ROBO1: variants seen among roughly 807,000 people sequenced by gnomAD.
ROBO1 encodes roundabout homolog 1.
A neutral mutation model predicts 195.9 loss-of-function variants in ROBO1; 149 were observed. That is an observed-to-expected ratio of 0.76 (90% CI 0.67 to 0.87). The LOEUF is 0.87. Among genes scored for constraint, ROBO1 ranks in the 40% least tolerant of loss-of-function variants. The pLI is 0.00. For missense variants in ROBO1, 1,933 were observed against 2,068.3 expected (o/e 0.93, Z 1.27); for synonymous variants, 816 against 733.2 (o/e 1.11, Z -1.82).
At chr3:79,733,458 T>G (rs1432715625) in intron 1 of ROBO1, among the ~76,000 whole-genome samples, 1 of 152,166 alleles carries the variant, frequency 6.6e-6, no homozygotes, top group Non-Finnish European at 1.5e-5. Flanking sequence ...TCACCTCTTC[T>G]CAGTCGAATC....
Position 79,677,573 on chromosome 3 carries a change from A to G in ROBO1, c.-50-87612T>C, listed in dbSNP as rs192703070. 2.6e-5 allele frequency among the ~76,000 whole-genome samples: 4 copies of G among 152,162 alleles called. No homozygotes were observed. In the South Asian group the frequency reaches 8.3e-4, roughly 32 times the overall value. On this transcript the variant is annotated intron_variant, in intron 1 of 30. Transcript: ENST00000464233. ...TGCCCCTGTGATTCAATTATCTCCTAGTGGGTCTCCCCCACAACACGTGGG... is the reference window on the plus strand; with the variant it reads ...TGCCCCTGTGATTCAATTATCTCCTGGTGGGTCTCCCCCACAACACGTGGG...
intron 2 of ROBO1, among the ~76,000 whole-genome samples, chr3:79,459,757 C>T (rs1417468343): frequency 6.6e-6 from 1 of 151,892 alleles, no homozygotes; most frequent in African/African-American, 2.4e-5. Flanking sequence ...TACATTAATT[C>T]ACTATTTTAA....
Position 79,643,685 on chromosome 3 carries a change from C to G in ROBO1, c.-50-53724G>C, listed in dbSNP as rs183321412. ...TAACTTGTTATATCTATGAGGTGTT[C>G]TTTGTAAGTCTCATGGTAACCACAA... is the stretch of plus-strand genomic sequence containing the variant. On this transcript the variant is annotated intron_variant, in intron 1 of 30. Transcript: ENST00000464233. Among the ~76,000 whole-genome samples the G allele has an allele frequency of 2.1e-3, 324 of 151,720 alleles. 6 individuals carry two copies. The highest frequency in any genetic ancestry group is 6.5e-4 in the Non-Finnish European group (44 of 67,950).
chr3:79,296,317 C>A (rs2032597856), intron 2 of ROBO1, among the ~76,000 whole-genome samples: 1 of 152,066 alleles, frequency 6.6e-6, no homozygotes, highest in East Asian at 1.9e-4. Flanking sequence ...ATAAAATATG[C>A]AAATTAACCA....
intron 2 of ROBO1, among the ~76,000 whole-genome samples, chr3:79,227,580 G>C (rs2108842705): frequency 6.6e-6 from 1 of 152,150 alleles, no homozygotes; most frequent in Middle Eastern, 3.4e-3. Flanking sequence ...TGCAAATCTG[G>C]AGCTTAAGAG....
intron 1 of ROBO1, among the ~76,000 whole-genome samples, chr3:79,660,357 G>C (rs1301420731): frequency 6.6e-6 from 1 of 152,072 alleles, no homozygotes; most frequent in Non-Finnish European, 1.5e-5. Context: ...TGGAAACAGA[G>C]ACATTTATAC....
chr3:78,918,022 A>G (rs992161166), intron 4 of ROBO1, among the ~76,000 whole-genome samples: 1 of 152,204 alleles, frequency 6.6e-6, no homozygotes, highest in Non-Finnish European at 1.5e-5. Flanking sequence ...AGAAATGCAC[A>G]TGGAAATGCC....
chr3:78,843,682 A>C (rs1355743236), intron 4 of ROBO1, among the ~76,000 whole-genome samples: 1 of 152,142 alleles, frequency 6.6e-6, no homozygotes, highest in Non-Finnish European at 1.5e-5. Context: ...ATGATACAAT[A>C]TACAATGCAA....
intron 1 of ROBO1, among the ~76,000 whole-genome samples, chr3:79,740,218 T>C (rs1466908851): frequency 1.2e-5 from 1 of 85,638 alleles, no homozygotes; most frequent in Non-Finnish European, 2.3e-5. Context: ...TATATTTATA[T>C]ATATAAATTT....
At chr3:79,337,217 G>A (rs1381686887) in intron 2 of ROBO1, among the ~76,000 whole-genome samples, 2 of 152,160 alleles carry the variant, frequency 1.3e-5, no homozygotes, top group African/African-American at 4.8e-5. Flanking sequence ...TTACGTGGTT[G>A]TATTTTGAAA....
At chr3:78,962,823 CA>C (rs770515270) in intron 3 of ROBO1, among the ~76,000 whole-genome samples, 1,898 of 26,194 alleles carry the variant, frequency 0.072, 2 homozygotes, top group Middle Eastern at 0.13. Flanking sequence ...GACTCCATCT[CA>C]AAAAAAAAAA....
Position 78,639,817 on chromosome 3 carries a change from A to T in ROBO1, c.2964T>A (p.Asn988Lys). The change falls in exon 22 of 31, where the codon AAT becomes AAA. Residue 988 changes from asparagine (N) to lysine (K), a missense_variant. Coordinates refer to ENST00000464233, the MANE Select transcript of ROBO1 (RefSeq NM_002941.4). ...CCGTGCAGCAGCTGATGGAGCAGTC[A>T]TTGTGGTTGTTGCCAGTATTAGGCC... is the stretch of plus-strand genomic sequence containing the variant. Reference protein sequence around the residue: ...DTWPNTGNNHNDCSISCCTAG... With the variant: ...DTWPNTGNNHKDCSISCCTAG... 3 of 1,613,530 alleles carry T rather than the reference A, an allele frequency of 1.9e-6. No individual in the cohort carries two copies. The South Asian group carries it at 3.3e-5, about 18-fold the overall frequency.
In ROBO1 at chr3:78,938,604, C is replaced by T; in HGVS notation, c.496G>A (p.Ala166Thr). ...AVSHNASLEVAILRDDFRQNP... is the reference protein window; with the variant it reads ...AVSHNASLEVTILRDDFRQNP... ...ACAGAGCGCCCAGTTTACTTACTGG[C>T]TACTTCCAGCGATGCATTGTGGCTC... The change falls in exon 4 of 31, where the codon GCC (alanine) becomes ACC (threonine). Residue 166 changes from alanine (A) to threonine (T), a missense_variant. Physicochemically the swap from Ala to Thr is moderately conservative, Grantham distance 58 (BLOSUM62 0). Transcript: ENST00000464233. 1 of 1,604,428 alleles carries T rather than the reference C, an allele frequency of 6.2e-7. No individual in the cohort carries two copies. The highest frequency in any genetic ancestry group is 8.5e-7 in the Non-Finnish European group (1 of 1,173,026).
chr3:78,635,693 C>G, intron 23 of ROBO1, 80 bp downstream of exon 23: 1 of 1,233,960 alleles, frequency 8.1e-7, no homozygotes, highest in Non-Finnish European at 1.1e-6. Context: ...ACTTGCTAGT[C>G]GCAGACAAGT....
intron 4 of ROBO1, among the ~76,000 whole-genome samples, chr3:78,786,697 C>T (rs924619013): frequency 3.3e-5 from 5 of 152,136 alleles, no homozygotes; most frequent in Admixed American, 6.5e-5. Context: ...TGCACATGTT[C>T]TCTTGCCTGC....
Position 79,679,205 on chromosome 3 carries a change from A to G in ROBO1, c.-51+88547T>C, listed in dbSNP as rs182928834. Among the ~76,000 whole-genome samples the G allele has an allele frequency of 2.8e-4, 43 of 152,158 alleles. No individual in the cohort carries two copies. The East Asian group carries it at 8.1e-3, about 29-fold the overall frequency. On this transcript the variant is annotated intron_variant, in intron 1 of 30. Coordinates refer to ENST00000464233, the MANE Select transcript of ROBO1 (RefSeq NM_002941.4). ...GTGAATATTGAATGCTTTTTATTTC[A>G]TAAATAGAAGAGTAGAGAAATGCTT...
At chr3:78,985,064 A>G (rs1046057161) in intron 3 of ROBO1, among the ~76,000 whole-genome samples, 2 of 152,182 alleles carry the variant, frequency 1.3e-5, no homozygotes, top group African/African-American at 4.8e-5. Flanking sequence ...CTGTAATCCC[A>G]GCACTTTGGG....
intron 2 of ROBO1, among the ~76,000 whole-genome samples, chr3:79,272,250 G>A (rs1036723967): frequency 6.6e-6 from 1 of 152,000 alleles, no homozygotes; most frequent in Non-Finnish European, 1.5e-5. Context: ...ATTAGCTAAT[G>A]AGAAAGACAG....
chr3:78,800,752 G>A (rs1260270970), intron 4 of ROBO1, among the ~76,000 whole-genome samples: 1 of 152,002 alleles, frequency 6.6e-6, no homozygotes, highest in Non-Finnish European at 1.5e-5. Flanking sequence ...TTTTAATAGA[G>A]ACGGGGTTTC....
Sources: allele counts gnomAD v4.1 joint callset (sites outside exome capture counted in the v4.1 genomes callset), GRCh38; gene constraint gnomAD v4.1.1; transcripts MANE v1.5; gene names NCBI Gene and HGNC (gene_info 2026-07-23, HGNC 2026-07-21).